The following AOAH variants were observed in gnomAD, a reference collection of about 807,000 sequenced individuals.
AOAH encodes acyloxyacyl hydrolase (neutrophil).
Under a neutral mutation model 92.2 loss-of-function variants are expected in AOAH, and 64 were observed. That is an observed-to-expected ratio of 0.69 (90% CI 0.57 to 0.86). The LOEUF (loss-of-function observed/expected upper bound fraction) is 0.86, where lower values mean the gene tolerates loss of function less well. Ranked by LOEUF, AOAH falls within the 40% of genes least tolerant of loss-of-function variation. The pLI is 0.00. For synonymous variants in AOAH, 263 were observed against 254.5 expected (o/e 1.03, Z -0.32); for missense variants, 656 against 694.6 (o/e 0.94, Z 0.62).
chr7:36,573,759 A>C (rs529915186), intron 13 of AOAH, among the ~76,000 whole-genome samples: 1 of 152,168 alleles, frequency 6.6e-6, no homozygotes, highest in Non-Finnish European at 1.5e-5. Context: ...ACTGGGGTTC[A>C]TGACAGAGTT....
chr7:36,706,159 A>AT (rs1798395055), intron 1 of AOAH, among the ~76,000 whole-genome samples: 1 of 152,218 alleles, frequency 6.6e-6, no homozygotes, highest in Non-Finnish European at 1.5e-5. Flanking sequence ...TTGGGAGCTA[A>AT]TTAAATAATG....
chr7:36,606,735 G>T (rs1791031105), intron 11 of AOAH, among the ~76,000 whole-genome samples: 1 of 152,100 alleles, frequency 6.6e-6, no homozygotes, highest in South Asian at 2.1e-4. Flanking sequence ...CTCAAGCAGA[G>T]ATTGTTTTTT....
intron 13 of AOAH, among the ~76,000 whole-genome samples, chr7:36,572,387 G>A (rs1295329903): frequency 2.0e-5 from 3 of 151,974 alleles, no homozygotes; most frequent in African/African-American, 4.8e-5. Flanking sequence ...AGTCAGGTGT[G>A]GTGGTACATG....
chr7:36,548,761 C>G (rs1583789095), intron 14 of AOAH, 75 bp from the exon 15 acceptor site: 10 of 1,356,180 alleles, frequency 7.4e-6, no homozygotes, highest in Non-Finnish European at 1.1e-5. Context: ...ACAGGCTGGG[C>G]CTTTGAAAAC....
intron 12 of AOAH, among the ~76,000 whole-genome samples, chr7:36,594,107 A>G (rs1289091875): frequency 6.6e-6 from 1 of 152,214 alleles, no homozygotes; most frequent in African/African-American, 2.4e-5. Context: ...CATCAGAGGT[A>G]AACTATGGAA....
chr7:36,666,281 C>T (rs6959239), intron 3 of AOAH, among the ~76,000 whole-genome samples: 91,060 of 151,898 alleles, frequency 0.6, 27,551 homozygotes, highest in South Asian at 0.66. Flanking sequence ...TGGCAGTTTG[C>T]GTCTTTCAAG....
Position 36,617,642 on chromosome 7 carries a change from T to C in AOAH, c.751+655A>G, listed in dbSNP as rs541247092. On this transcript the variant is annotated intron_variant, in intron 10 of 20. Coordinates refer to ENST00000617537, the MANE Select transcript of AOAH (RefSeq NM_001637.4). ...GATTGTGGAAGTGGGGAGAGAAGCA[T>C]TGCCTAAATATAAAACAGTGATGTT... Among the ~76,000 whole-genome samples, 3 of 152,330 alleles carry C rather than the reference T, an allele frequency of 2.0e-5. No homozygotes were observed. In the East Asian group the frequency reaches 5.8e-4, roughly 29 times the overall value.
chr7:36,676,870 C>A (rs1369463767), intron 2 of AOAH, among the ~76,000 whole-genome samples: 1 of 152,158 alleles, frequency 6.6e-6, no homozygotes, highest in East Asian at 1.9e-4. Context: ...GACAACTGGA[C>A]AGCCACAGGC....
At chr7:36,540,588 A>ACG in intron 15 of AOAH, 97 bp from the exon 16 acceptor site, 1 of 697,726 alleles carries the variant, frequency 1.4e-6, no homozygotes, top group African/African-American at 1.8e-5. Flanking sequence ...ACACATACGC[A>ACG]CACACACACA....
At chr7:36,666,792 C>T (rs1435645733) in intron 3 of AOAH, among the ~76,000 whole-genome samples, 1 of 152,082 alleles carries the variant, frequency 6.6e-6, no homozygotes, top group Non-Finnish European at 1.5e-5. Flanking sequence ...GTTCAAAATA[C>T]CTTAAAATTT....
At chr7:36,586,719 A>C (rs1789353456) in intron 12 of AOAH, among the ~76,000 whole-genome samples, 1 of 152,226 alleles carries the variant, frequency 6.6e-6, no homozygotes, top group Non-Finnish European at 1.5e-5. Context: ...GTCAAAATTT[A>C]TCACATTAGG....
chr7:36,681,716 G>A (rs1465557038), intron 2 of AOAH, among the ~76,000 whole-genome samples: 2 of 152,192 alleles, frequency 1.3e-5, no homozygotes, highest in Middle Eastern at 3.4e-3. Context: ...CAGGAGAATC[G>A]CTTGAACCCA....
chr7:36,539,067 G>A (rs948394889), intron 16 of AOAH, among the ~76,000 whole-genome samples: 2 of 152,168 alleles, frequency 1.3e-5, no homozygotes, highest in Non-Finnish European at 2.9e-5. Flanking sequence ...AGGGACTGCA[G>A]GAAGAGGACA....
At chr7:36,529,988 G>T (rs1270074316) in intron 19 of AOAH, among the ~76,000 whole-genome samples, 2 of 152,222 alleles carry the variant, frequency 1.3e-5, no homozygotes, top group East Asian at 3.8e-4. Flanking sequence ...TGTATGGGGT[G>T]TGGGAATCTG....
At chr7:36,554,223 C>T (rs984493518) in intron 13 of AOAH, among the ~76,000 whole-genome samples, 7 of 152,200 alleles carry the variant, frequency 4.6e-5, no homozygotes, top group Non-Finnish European at 8.8e-5. Flanking sequence ...TTTCCCAGCA[C>T]CATTTATTAA....
chr7:36,696,061 T>G (rs768464087), intron 1 of AOAH, among the ~76,000 whole-genome samples: 1 of 152,236 alleles, frequency 6.6e-6, no homozygotes, highest in African/African-American at 2.4e-5. Flanking sequence ...CATTGAATTA[T>G]CTGGGAAACT....
rs905901759 is a variant in AOAH, at chr7:36,627,344, C to T, written c.522-4094G>A. On this transcript the variant is annotated intron_variant, in intron 6 of 20. Transcript: ENST00000617537. ...AGGCAAGCAATTGGACTGAGGACAG[C>T]GTAGTGGGAAGGAAAAGCCACGGGA... Among the ~76,000 whole-genome samples, 5 of 151,956 alleles carry T rather than the reference C, an allele frequency of 3.3e-5. No homozygotes were observed. The South Asian group carries it at 6.2e-4, about 19-fold the overall frequency.
intron 10 of AOAH, among the ~76,000 whole-genome samples, chr7:36,617,779 C>T (rs1792004929): frequency 6.6e-6 from 1 of 152,194 alleles, no homozygotes; most frequent in African/African-American, 2.4e-5. Context: ...GCACTTAGAG[C>T]ACAGAGCTTT....
At chr7:36,523,587 C>T (rs186089254) in intron 19 of AOAH, among the ~76,000 whole-genome samples, 280 of 148,746 alleles carry the variant, frequency 1.9e-3, no homozygotes, top group African/African-American at 6.7e-3. Context: ...TTTGGGGAAG[C>T]TTGCCTGGCT....
Sources: allele counts gnomAD v4.1 joint callset (sites outside exome capture counted in the v4.1 genomes callset), GRCh38; gene constraint gnomAD v4.1.1; transcripts MANE v1.5; gene names NCBI Gene and HGNC (gene_info 2026-07-23, HGNC 2026-07-21).